RAB3C: variants seen among roughly 807,000 people sequenced by gnomAD.
RAB3C encodes ras-related protein Rab-3C.
In RAB3C, 17 loss-of-function variants were observed where a neutral mutation model predicts 26.4. The ratio of observed to expected loss-of-function variants is 0.64; its 90% CI spans 0.44 to 0.97. RAB3C has a LOEUF of 0.97. RAB3C is among the 50% of genes least tolerant of loss of function. The probability of loss-of-function intolerance (pLI) is 0.00; values close to 1 mark genes in which losing one functional copy is unlikely to be tolerated. For synonymous variants in RAB3C, 91 were observed against 95.9 expected, an observed-to-expected ratio of 0.95 and a Z score of 0.30; for missense variants, 242 against 281.9, an observed-to-expected ratio of 0.86 and a Z score of 1.01.
At chr5:58,762,280 A>G (rs569929191) in intron 3 of RAB3C, among the ~76,000 whole-genome samples, 1 of 152,238 alleles carries the variant, frequency 6.6e-6, no homozygotes, top group Non-Finnish European at 1.5e-5. Flanking sequence ...CATATTGGAC[A>G]GTGAAGATCT....
chr5:58,727,346 AG>A (rs1740915189), intron 3 of RAB3C, among the ~76,000 whole-genome samples: 1 of 151,996 alleles, frequency 6.6e-6, no homozygotes, highest in African/African-American at 2.4e-5. Context: ...AGAGAAATAC[AG>A]GGTTATAAAC....
chr5:58,715,027 T>A (rs1749139706), intron 2 of RAB3C, among the ~76,000 whole-genome samples: 1 of 151,912 alleles, frequency 6.6e-6, no homozygotes, highest in Non-Finnish European at 1.5e-5. Flanking sequence ...ACTTAGAAAA[T>A]GTAGTTTCTC....
chr5:58,654,408 A>C (rs1439730754), intron 2 of RAB3C, among the ~76,000 whole-genome samples: 1 of 152,174 alleles, frequency 6.6e-6, no homozygotes, highest in Non-Finnish European at 1.5e-5. Context: ...CAAGATTCAA[A>C]TCCAACTTCT....
At chr5:58,587,886 T>A (rs1430265469) in intron 1 of RAB3C, among the ~76,000 whole-genome samples, 3 of 152,082 alleles carry the variant, frequency 2.0e-5, no homozygotes, top group Non-Finnish European at 4.4e-5. Flanking sequence ...CCATAGGAGT[T>A]TGATTTGTTC....
At chr5:58,799,459 G>A (rs528545055) in intron 3 of RAB3C, among the ~76,000 whole-genome samples, 70 of 152,208 alleles carry the variant, frequency 4.6e-4, no homozygotes, top group Admixed American at 1.4e-3. Flanking sequence ...TGCTAGAGCT[G>A]ATATTCAAGT....
intron 2 of RAB3C, among the ~76,000 whole-genome samples, chr5:58,710,966 A>T (rs1749047338): frequency 6.6e-6 from 1 of 152,204 alleles, no homozygotes; most frequent in South Asian, 2.1e-4. Flanking sequence ...TTAATCTTGG[A>T]ACACTCATAT....
chr5:58,708,714 G>A (rs549978422), intron 2 of RAB3C, among the ~76,000 whole-genome samples: 2 of 152,186 alleles, frequency 1.3e-5, no homozygotes, highest in East Asian at 3.9e-4. Flanking sequence ...TCCCTTTCAG[G>A]TTTCTCATGC....
chr5:58,786,665 G>C (rs1284447077), intron 3 of RAB3C, among the ~76,000 whole-genome samples: 2 of 151,744 alleles, frequency 1.3e-5, no homozygotes, highest in Admixed American at 6.6e-5. Context: ...ATTTTCTTTC[G>C]GACCGCACGG....
intron 1 of RAB3C, among the ~76,000 whole-genome samples, chr5:58,591,393 T>A (rs1746124481): frequency 1.3e-5 from 2 of 152,148 alleles, no homozygotes; most frequent in African/African-American, 4.8e-5. Flanking sequence ...TCTTTTGAGT[T>A]TTTTCATATA....
At chr5:58,767,957 T>C (rs920871779) in intron 3 of RAB3C, among the ~76,000 whole-genome samples, 2 of 152,154 alleles carry the variant, frequency 1.3e-5, no homozygotes, top group African/African-American at 4.8e-5. Context: ...TGATGGCCTC[T>C]CTGACATCTA....
intron 1 of RAB3C, among the ~76,000 whole-genome samples, chr5:58,586,984 T>C (rs1329253433): frequency 1.3e-5 from 2 of 152,174 alleles, no homozygotes; most frequent in Admixed American, 6.5e-5. Context: ...CCTCTATCTT[T>C]CTGAGAAATG....
At chr5:58,762,613 A>C (rs532765155) in intron 3 of RAB3C, among the ~76,000 whole-genome samples, 1 of 152,304 alleles carries the variant, frequency 6.6e-6, no homozygotes, top group East Asian at 1.9e-4. Flanking sequence ...GAATCCTTTG[A>C]ACCTGGGAGG....
intron 1 of RAB3C, among the ~76,000 whole-genome samples, chr5:58,614,622 GC>G (rs975403165): frequency 6.6e-6 from 1 of 151,234 alleles, no homozygotes; most frequent in African/African-American, 2.4e-5. Flanking sequence ...CCCCTCTTTT[GC>G]CCCCATTACC....
At chr5:58,845,610 A>G (rs1269040183) in intron 4 of RAB3C, among the ~76,000 whole-genome samples, 707 of 53,232 alleles carry the variant, frequency 0.013, 30 homozygotes, top group African/African-American at 0.062. Context: ...ATATATATAT[A>G]TATGTGTGTG....
chr5:58,594,757 A>G (rs369525709), intron 1 of RAB3C, among the ~76,000 whole-genome samples: 1 of 151,654 alleles, frequency 6.6e-6, no homozygotes, highest in Non-Finnish European at 1.5e-5. Flanking sequence ...CTCTTTTTTT[A>G]ATGTTTTGAT....
intron 1 of RAB3C, among the ~76,000 whole-genome samples, chr5:58,585,519 A>C (rs942491274): frequency 6.6e-6 from 1 of 152,008 alleles, no homozygotes; most frequent in Non-Finnish European, 1.5e-5. Context: ...ATAAAATAAG[A>C]GATTTCTTCT....
chr5:58,857,320 G>A lies in RAB3C; in HGVS notation c.*5969G>A, dbSNP rs185487126. 6.6e-6 allele frequency: 1 copy of A among 152,166 alleles called. No homozygotes were observed. The highest frequency in any genetic ancestry group is 1.9e-4 in the East Asian group (1 of 5,178). 9.4% of individuals were successfully genotyped at this position (152,166 alleles called of 1,614,324 possible). On this transcript the variant is annotated 3_prime_UTR_variant, in exon 5 of 5. Transcript: ENST00000282878. ...TTTTTCTTATAAAACCAAACATTTA[G>A]TATCTGGAAATATGTGTCAATTTTA...
rs1293551634 is a variant in RAB3C, at chr5:58,858,958, T to A, written c.*7607T>A. ...GACCTAATGCCACCTGGCAGATGTG[T>A]ACCCAGAGATTTTTCTGTAGCTCCA... is the stretch of plus-strand genomic sequence containing the variant. On this transcript the variant is annotated 3_prime_UTR_variant, in exon 5 of 5. Transcript: ENST00000282878. 1 of 152,204 alleles carries A rather than the reference T, an allele frequency of 6.6e-6. No homozygotes were observed. Among genetic ancestry groups the A allele is most frequent in the Non-Finnish European group, 1.5e-5 (1 of 68,034 alleles). 9.4% of individuals were successfully genotyped at this position (152,204 alleles called of 1,614,324 possible). A position where few individuals can be genotyped will look rare whatever the true frequency, so the allele number is the denominator to read the frequency against.
intron 3 of RAB3C, among the ~76,000 whole-genome samples, chr5:58,774,869 G>C (rs1244119651): frequency 6.6e-6 from 1 of 152,156 alleles, no homozygotes. Flanking sequence ...AGCTGAGCGA[G>C]AGGTGGAACT....
Sources: allele counts gnomAD v4.1 joint callset (sites outside exome capture counted in the v4.1 genomes callset), GRCh38; gene constraint gnomAD v4.1.1; transcripts MANE v1.5; gene names NCBI Gene and HGNC (gene_info 2026-07-23, HGNC 2026-07-21).